SCD5: variants seen among roughly 807,000 people sequenced by gnomAD.
The protein encoded by SCD5 is acyl-CoA-desaturase 4.
A neutral mutation model predicts 30.4 loss-of-function variants in SCD5; 20 were observed. The observed-to-expected ratio is 0.66, with a 90% confidence interval of 0.46 to 0.96. The LOEUF (loss-of-function observed/expected upper bound fraction) is 0.96, where lower values mean the gene tolerates loss of function less well. Among genes scored for constraint, SCD5 ranks in the 40% least tolerant of loss-of-function variants. SCD5 has a pLI of 0.00. For synonymous variants in SCD5, 173 were observed against 176.4 expected, an observed-to-expected ratio of 0.98 and a Z score of 0.16; for missense variants, 381 against 443.3, an observed-to-expected ratio of 0.86 and a Z score of 1.26.
intron 1 of SCD5, among the ~76,000 whole-genome samples, chr4:82,770,130 A>T (rs1249020010): frequency 6.6e-6 from 1 of 151,996 alleles, no homozygotes; most frequent in Non-Finnish European, 1.5e-5. Flanking sequence ...GGTGTGCTGC[A>T]CCCATTAACT....
intron 2 of SCD5, among the ~76,000 whole-genome samples, chr4:82,699,563 GTTTTTTGTTT>G (rs896985136): frequency 5.9e-4 from 17 of 28,894 alleles, no homozygotes; most frequent in African/African-American, 2.8e-3. Context: ...TTTGTTTTTT[GTTTTTTGTTT>G]TTTTTTTTTT....
chr4:82,661,632 C>T (rs552019387), intron 3 of SCD5, among the ~76,000 whole-genome samples: 1 of 152,264 alleles, frequency 6.6e-6, no homozygotes, highest in African/African-American at 2.4e-5. Context: ...CTAATCACTC[C>T]GTGTCTTGCC....
chr4:82,753,430 T>G (rs1457368500), intron 1 of SCD5: 1 of 528,068 alleles, frequency 1.9e-6, no homozygotes, highest in African/African-American at 1.9e-5. Context: ...AGGGCTGAAT[T>G]TAAAGGCACA....
At chr4:82,749,756 A>G (rs1045882763) in intron 1 of SCD5, among the ~76,000 whole-genome samples, 2 of 152,246 alleles carry the variant, frequency 1.3e-5, no homozygotes, top group Non-Finnish European at 2.9e-5. Flanking sequence ...ATGTTGAAGG[A>G]CAGTTGTGAT....
intron 2 of SCD5, among the ~76,000 whole-genome samples, chr4:82,689,154 G>A (rs1012788075): frequency 6.6e-6 from 1 of 152,202 alleles, no homozygotes; most frequent in Non-Finnish European, 1.5e-5. Context: ...AAAGGAATCA[G>A]GAGTGTGGAG....
At chr4:82,648,675 C>A (rs1003754737) in intron 3 of SCD5, among the ~76,000 whole-genome samples, 1 of 152,034 alleles carries the variant, frequency 6.6e-6, no homozygotes, top group African/African-American at 2.4e-5. Context: ...TCAGGTCTAC[C>A]CTGAGCAGCT....
chr4:82,789,626 T>C (rs528937978), intron 1 of SCD5, among the ~76,000 whole-genome samples: 1 of 152,298 alleles, frequency 6.6e-6, no homozygotes, highest in South Asian at 2.1e-4. Context: ...AGCTCTGGAA[T>C]GTCTCCAGAG....
intron 2 of SCD5, among the ~76,000 whole-genome samples, chr4:82,703,744 C>T (rs1719907855): frequency 6.6e-6 from 1 of 151,998 alleles, no homozygotes; most frequent in Non-Finnish European, 1.5e-5. Context: ...GAAAAAAAGT[C>T]CAATAATAGA....
chr4:82,741,265 G>A (rs903065435), intron 1 of SCD5, among the ~76,000 whole-genome samples: 13 of 152,088 alleles, frequency 8.5e-5, no homozygotes, highest in Admixed American at 1.3e-4. Context: ...TATCTAGGCT[G>A]GTCTTGTGGT....
chr4:82,765,316 C>T (rs1052714164), intron 1 of SCD5, among the ~76,000 whole-genome samples: 1 of 152,192 alleles, frequency 6.6e-6, no homozygotes, highest in Non-Finnish European at 1.5e-5. Flanking sequence ...TATTACTCCA[C>T]TGCCTTCTGG....
At chr4:82,738,475 T>A (rs11733801) in intron 1 of SCD5, among the ~76,000 whole-genome samples, 3 of 152,060 alleles carry the variant, frequency 2.0e-5, no homozygotes, top group Non-Finnish European at 4.4e-5. Flanking sequence ...TTTTTTTGCC[T>A]ATAAGAAAGA....
intron 3 of SCD5, among the ~76,000 whole-genome samples, chr4:82,671,968 A>C (rs937621069): frequency 2.6e-5 from 4 of 152,228 alleles, no homozygotes; most frequent in Non-Finnish European, 5.9e-5. Context: ...TGGGCCAAGA[A>C]AAAAATCTCA....
chr4:82,648,826 C>G (rs4321623), intron 3 of SCD5, among the ~76,000 whole-genome samples: 137,354 of 152,152 alleles, frequency 0.9, 62,073 homozygotes, highest in East Asian at 1. Flanking sequence ...CATGGGCTCT[C>G]GGTGAGACCT....
At chr4:82,653,702 A>ATAGATAGG (rs1409252100) in intron 3 of SCD5, among the ~76,000 whole-genome samples, 1 of 122,446 alleles carries the variant, frequency 8.2e-6, no homozygotes, top group African/African-American at 3.0e-5. Context: ...AGATAGATAG[A>ATAGATAGG]TAGATATAGA....
chr4:82,727,897 G>A (rs1720541395), intron 1 of SCD5, among the ~76,000 whole-genome samples: 1 of 151,994 alleles, frequency 6.6e-6, no homozygotes, highest in Non-Finnish European at 1.5e-5. Flanking sequence ...TAGTAGAGAC[G>A]GGGTTTCACC....
intron 2 of SCD5, among the ~76,000 whole-genome samples, chr4:82,686,010 C>CT (rs1169222476): frequency 0.055 from 7,975 of 144,632 alleles, 420 homozygotes; most frequent in African/African-American, 0.14. Flanking sequence ...GGCTTATGCA[C>CT]TTTTTTTTTT....
chr4:82,694,094 C>T (rs571293115), intron 2 of SCD5, among the ~76,000 whole-genome samples: 1 of 152,350 alleles, frequency 6.6e-6, no homozygotes, highest in Admixed American at 6.5e-5. Flanking sequence ...AGCCTAGCCG[C>T]AGGCGCCTCT....
At chr4:82,768,439 CA>C (rs1250492856) in intron 1 of SCD5, among the ~76,000 whole-genome samples, 1 of 151,814 alleles carries the variant, frequency 6.6e-6, no homozygotes, top group Non-Finnish European at 1.5e-5. Context: ...AAAGTCTGAC[CA>C]AAAATTAGGA....
chr4:82,765,439 T>C lies in SCD5; in HGVS notation c.232+32867A>G, dbSNP rs548742418. ...ACAGTGAATTGGTTCCAGGACTCCATAAGGATACCCAAATACCTTAGATAA... is the reference window on the plus strand; with the variant it reads ...ACAGTGAATTGGTTCCAGGACTCCACAAGGATACCCAAATACCTTAGATAA... On this transcript the variant is annotated intron_variant, in intron 1 of 4. Coordinates refer to ENST00000319540, the MANE Select transcript of SCD5 (RefSeq NM_001037582.3). Among the ~76,000 whole-genome samples, 4 of 152,162 alleles carry C rather than the reference T, an allele frequency of 2.6e-5. No individual in the cohort carries two copies. The South Asian group carries it at 8.3e-4, about 31-fold the overall frequency.
Sources: gnomAD v4.1 joint callset for allele counts (sites outside exome capture counted in the v4.1 genomes callset) on GRCh38, gnomAD v4.1.1 for gene constraint, MANE v1.5 for transcripts, NCBI Gene and HGNC (gene_info 2026-07-23, HGNC 2026-07-21) for gene names.